Variants in CEP162 observed in about 807,000 individuals in gnomAD.
CEP162 encodes the protein centrosomal protein of 162 kDa.
A neutral mutation model predicts 169.2 loss-of-function variants in CEP162; 141 were observed. That is an observed-to-expected ratio of 0.83 (90% CI 0.73 to 0.96). The LOEUF (loss-of-function observed/expected upper bound fraction) is 0.96. Among genes scored for constraint, CEP162 ranks in the 40% least tolerant of loss-of-function variants. CEP162 has a pLI of 0.00. For synonymous variants in CEP162, 540 were observed against 526.4 expected (o/e 1.03, Z -0.35); for missense variants, 1,600 against 1,587.2 (o/e 1.01, Z -0.14).
At position 84,151,503 on chromosome 6, in the gene CEP162, C is replaced by T. The variant is rs184187558; in HGVS notation, c.3629+1042G>A. ...GAGGTATTAGTGATTCCAAGAGAAG[C>T]AATCCAATAAATAGTTCTAGGTTTC... On this transcript the variant is annotated intron_variant, in intron 23 of 26. Coordinates refer to ENST00000403245, the MANE Select transcript of CEP162 (RefSeq NM_014895.4). 4.5e-3 allele frequency among the ~76,000 whole-genome samples: 692 copies of T among 152,102 alleles called. 8 individuals carry two copies. The highest frequency in any genetic ancestry group is 0.016 in the African/African-American group (660 of 41,496).
In CEP162 at chr6:84,186,527, C is replaced by T. The variant is rs139410778; in HGVS notation, c.1206G>A (p.Val402=). The change falls in exon 12 of 27, where the codon GTG becomes GTA. Residue 402 remains valine (V), a synonymous_variant. Transcript: ENST00000403245. The part of the protein sequence containing the change: ...PNILSQDSQH[V]NLFFDKNDEN... ...CATCATTTTTGTCAAAAAAAAGGTT[C>T]ACATGTTGTGAGTCTTGAGACAAAA... 9.9e-6 allele frequency: 16 copies of T among 1,612,848 alleles called. No individual in the cohort carries two copies. Among genetic ancestry groups the T allele is most frequent in the Non-Finnish European group, 1.2e-5 (14 of 1,179,302 alleles).
At chr6:84,199,823 C>T (rs2127730883) in intron 9 of CEP162, among the ~76,000 whole-genome samples, 1 of 152,254 alleles carries the variant, frequency 6.6e-6, no homozygotes, top group East Asian at 1.9e-4. Flanking sequence ...TAACAAATCT[C>T]AATAGTTTCT....
chr6:84,192,438 T>C (rs780943746), intron 11 of CEP162, among the ~76,000 whole-genome samples: 4 of 152,136 alleles, frequency 2.6e-5, no homozygotes, highest in Non-Finnish European at 4.4e-5. Context: ...CAATGATGAG[T>C]GGTACCATCT....
At chr6:84,193,082 C>T (rs990958422) in intron 11 of CEP162, among the ~76,000 whole-genome samples, 8 of 152,178 alleles carry the variant, frequency 5.3e-5, no homozygotes, top group African/African-American at 4.8e-5. Flanking sequence ...ATAAAAGCAA[C>T]GCTGTCTATT....
intron 6 of CEP162, among the ~76,000 whole-genome samples, chr6:84,207,226 C>T (rs934738353): frequency 1.3e-5 from 2 of 151,968 alleles, no homozygotes; most frequent in Admixed American, 6.6e-5. Context: ...GGGTATATAC[C>T]CAAAGGATTA....
chr6:84,153,037 T>A lies in CEP162; in HGVS notation c.3137A>T (p.Glu1046Val), dbSNP rs2099521747. Residue 1046 changes from glutamate to valine, a missense_variant, in exon 23 of 27, where the codon GAA becomes GTA. Coordinates refer to ENST00000403245, the MANE Select transcript of CEP162 (RefSeq NM_014895.4). ...EAHQITVRNL[E>V]AEIDVLKHQN... ...ATGTTTAAGAACGTCTATTTCGGCT[T>A]CAAGGTTTCTTACAGTGATCTGATG... 6.2e-7 allele frequency: 1 copy of A among 1,613,594 alleles called. No individual in the cohort carries two copies. The highest frequency in any genetic ancestry group is 8.5e-7 in the Non-Finnish European group (1 of 1,179,752).
chr6:84,163,018 G>A (rs985379897), intron 19 of CEP162, 126 bp downstream of exon 19: 6 of 898,062 alleles, frequency 6.7e-6, no homozygotes, highest in Non-Finnish European at 8.3e-6. Context: ...TTTAAAAAAT[G>A]TTTCTAAAAT....
At chr6:84,147,224 A>C (rs1444092249) in intron 24 of CEP162, among the ~76,000 whole-genome samples, 32 of 152,240 alleles carry the variant, frequency 2.1e-4, no homozygotes, top group Admixed American at 2.1e-3. Flanking sequence ...TGTTAAGTGA[A>C]GTAAGCTAGG....
At position 84,159,683 on chromosome 6, in the gene CEP162, C is replaced by T. The variant is rs936542715; in HGVS notation, c.2781+1129G>A. ...AGGTTCAAGTGATTCTCTTGCCTCA[C>T]CCTCCCAAGTAGCTAGGATTACAGG... On this transcript the variant is annotated intron_variant, in intron 21 of 26. Coordinates refer to ENST00000403245, the MANE Select transcript of CEP162 (RefSeq NM_014895.4). Among the ~76,000 whole-genome samples, 7 of 148,638 alleles carry T rather than the reference C, an allele frequency of 4.7e-5. 1 individual carries two copies.
chr6:84,224,303 A>G (rs2099554868), intron 2 of CEP162, among the ~76,000 whole-genome samples: 1 of 152,362 alleles, frequency 6.6e-6, no homozygotes, highest in South Asian at 2.1e-4. Flanking sequence ...CCCATAATAT[A>G]TAATACAATT....
intron 8 of CEP162, 45 bp downstream of exon 8, chr6:84,201,692 G>C (rs1455106770): frequency 6.1e-6 from 6 of 985,936 alleles, no homozygotes; most frequent in Admixed American, 2.4e-5. Context: ...ATTCTGAACA[G>C]ACTAATTTTT....
chr6:84,170,128 C>A (rs1264167202), intron 17 of CEP162, among the ~76,000 whole-genome samples: 1 of 152,084 alleles, frequency 6.6e-6, no homozygotes, highest in South Asian at 2.1e-4. Context: ...AATCCCAGCA[C>A]GTTGGGAGGC....
chr6:84,153,207 A>G (rs933202622), intron 22 of CEP162, 28 bp from the exon 23 acceptor site: 44 of 1,567,430 alleles, frequency 2.8e-5, no homozygotes, highest in Non-Finnish European at 3.7e-5. Flanking sequence ...TGTAATGCCA[A>G]ACACCTGTTA....
intron 17 of CEP162, among the ~76,000 whole-genome samples, chr6:84,170,004 G>A (rs947347197): frequency 2.0e-5 from 3 of 152,026 alleles, no homozygotes; most frequent in Middle Eastern, 3.2e-3. Context: ...TGGATCCTGG[G>A]ATAGATCTTC....
intron 25 of CEP162, among the ~76,000 whole-genome samples, chr6:84,129,680 C>T (rs959464574): frequency 4.6e-5 from 7 of 152,092 alleles, no homozygotes; most frequent in South Asian, 2.1e-4. Context: ...TTAATTAGAT[C>T]CCATTTGTCA....
At chr6:84,166,460 T>C (rs2099527875) in intron 18 of CEP162, among the ~76,000 whole-genome samples, 1 of 152,200 alleles carries the variant, frequency 6.6e-6, no homozygotes, top group Non-Finnish European at 1.5e-5. Context: ...TCTATTTTCA[T>C]TTTCTTCAAA....
chr6:84,130,613 C>A (rs2129184433), intron 25 of CEP162, among the ~76,000 whole-genome samples: 1 of 152,242 alleles, frequency 6.6e-6, no homozygotes, highest in South Asian at 2.1e-4. Flanking sequence ...GGAATTTTTC[C>A]ATTTCTTCTA....
At chr6:84,188,799 A>C (rs1177141648) in intron 11 of CEP162, among the ~76,000 whole-genome samples, 6 of 152,160 alleles carry the variant, frequency 3.9e-5, no homozygotes, top group Admixed American at 3.9e-4. Flanking sequence ...GTTCTTTGAG[A>C]AGTCGCCAAA....
At chr6:84,176,308 A>G (rs2099532381) in intron 13 of CEP162, among the ~76,000 whole-genome samples, 1 of 152,180 alleles carries the variant, frequency 6.6e-6, no homozygotes, top group African/African-American at 2.4e-5. Flanking sequence ...AAAAGATTTC[A>G]TTTCAATTAT....
Sources: gnomAD v4.1 joint callset for allele counts (sites outside exome capture counted in the v4.1 genomes callset) on GRCh38, gnomAD v4.1.1 for gene constraint, MANE v1.5 for transcripts, NCBI Gene and HGNC (gene_info 2026-07-23, HGNC 2026-07-21) for gene names.